The following MPP7 variants were observed in gnomAD, a reference collection of about 807,000 sequenced individuals.
The protein encoded by MPP7 is MAGUK p55 scaffold protein 7, also known as MAGUK p55 subfamily member 7.
In MPP7, 60 loss-of-function variants were observed where a neutral mutation model predicts 76.5. The ratio of observed to expected loss-of-function variants is 0.78; its 90% confidence interval spans 0.64 to 0.97. MPP7 has a LOEUF of 0.97. Among genes scored for constraint, MPP7 ranks in the 50% least tolerant of loss-of-function variants. The pLI, the probability that MPP7 is intolerant of heterozygous loss-of-function variation, is 0.00. For missense variants in MPP7, 641 were observed against 694.0 expected (o/e 0.92, Z 0.86); for synonymous variants, 237 against 244.5 (o/e 0.97, Z 0.29).
intron 2 of MPP7, among the ~76,000 whole-genome samples, chr10:28,317,483 A>G (rs1225491573): frequency 1.3e-5 from 2 of 152,218 alleles, no homozygotes; most frequent in African/African-American, 4.8e-5. Context: ...GTGAGCTGTG[A>G]CCATACCATT....
chr10:28,136,285 C>T (rs1231186156), intron 5 of MPP7, among the ~76,000 whole-genome samples: 3 of 151,956 alleles, frequency 2.0e-5, no homozygotes, highest in Admixed American at 1.3e-4. Flanking sequence ...ACTCCCCAAA[C>T]CCCCATCTGT....
intron 5 of MPP7, among the ~76,000 whole-genome samples, chr10:28,134,037 C>CAT (rs762680536): frequency 3.9e-5 from 6 of 151,950 alleles, no homozygotes; most frequent in South Asian, 2.1e-4. Context: ...TCTTTTGATG[C>CAT]ATATATATAT....
chr10:28,254,217 A>G (rs1032226088), intron 1 of MPP7, among the ~76,000 whole-genome samples: 1 of 152,166 alleles, frequency 6.6e-6, no homozygotes, highest in African/African-American at 2.4e-5. Flanking sequence ...TCATAGCTGT[A>G]CAAGTTCTGA....
At chr10:28,083,725 A>C (rs142383095) in intron 12 of MPP7, among the ~76,000 whole-genome samples, 1,832 of 151,826 alleles carry the variant, frequency 0.012, 55 homozygotes, top group East Asian at 0.11. Flanking sequence ...TTTAGTAGAG[A>C]CAGGGTTTCA....
At chr10:28,105,608 A>T (rs750283889) in intron 11 of MPP7, among the ~76,000 whole-genome samples, 1 of 152,162 alleles carries the variant, frequency 6.6e-6, no homozygotes, top group Non-Finnish European at 1.5e-5. Context: ...CCTAAATTCA[A>T]GCAATCCTCC....
At chr10:28,319,949 C>T (rs1260518231) in intron 2 of MPP7, among the ~76,000 whole-genome samples, 1 of 124,738 alleles carries the variant, frequency 8.0e-6, no homozygotes, top group Non-Finnish European at 1.7e-5. Flanking sequence ...GAGACAGACT[C>T]TCTCTCAAAA....
intron 1 of MPP7, among the ~76,000 whole-genome samples, chr10:28,256,765 A>C (rs1839800039): frequency 6.6e-6 from 1 of 152,248 alleles, no homozygotes; most frequent in South Asian, 2.1e-4. Flanking sequence ...TTCCACTGTA[A>C]GTCTCAAAGC....
At chr10:28,124,407 T>A (rs1333928829) in intron 7 of MPP7, among the ~76,000 whole-genome samples, 1 of 151,526 alleles carries the variant, frequency 6.6e-6, no homozygotes, top group African/African-American at 2.4e-5. Flanking sequence ...TTTTTATTTA[T>A]CTTAAAGGCT....
chr10:28,102,865 A>G (rs1230323871), intron 11 of MPP7, among the ~76,000 whole-genome samples: 1 of 152,144 alleles, frequency 6.6e-6, no homozygotes, highest in Non-Finnish European at 1.5e-5. Flanking sequence ...TCTCCCTTAC[A>G]ATCCATTCCC....
At chr10:28,317,962 C>T (rs1239661515) in intron 2 of MPP7, among the ~76,000 whole-genome samples, 5 of 152,222 alleles carry the variant, frequency 3.3e-5, no homozygotes, top group Non-Finnish European at 5.9e-5. Context: ...GTGATGCTTA[C>T]GCCATGACTG....
In MPP7 at chr10:28,074,158, G is replaced by A. The variant is rs568439810; in HGVS notation, c.1124-4306C>T. Among the ~76,000 whole-genome samples, 3 of 152,234 alleles carry A rather than the reference G, an allele frequency of 2.0e-5. No individual in the cohort carries two copies. The South Asian group carries it at 6.2e-4, about 32-fold the overall frequency. On this transcript the variant is annotated intron_variant, in intron 12 of 16. Transcript: ENST00000683449. Reference sequence around the variant, plus strand: ...TGAATGAACAAATAAAACATTTAGTGTTGTTATCACCACCTCATGCTCAGC... The same window carrying A: ...TGAATGAACAAATAAAACATTTAGTATTGTTATCACCACCTCATGCTCAGC...
rs1312875857 is a variant in MPP7 at position 28,277,232 on chromosome 10, T to C, written c.-132+25629A>G. On this transcript the variant is annotated intron_variant, in intron 1 of 16. Transcript: ENST00000683449. ...TCCTACTACAACCCTATCATCTAAA[T>C]ACCATTACTACTGTCTCAGTTTACT... 1.3e-5 allele frequency among the ~76,000 whole-genome samples: 2 copies of C among 151,814 alleles called. 1 individual carries two copies. Among genetic ancestry groups the C allele is most frequent in the African/African-American group, 4.9e-5 (2 of 41,166 alleles).
intron 3 of MPP7, among the ~76,000 whole-genome samples, chr10:28,160,534 A>G (rs1260872912): frequency 6.6e-6 from 1 of 152,152 alleles, no homozygotes; most frequent in Non-Finnish European, 1.5e-5. Context: ...TATTATCAGG[A>G]AAATAGTTTA....
At chr10:28,191,450 A>G (rs1837409045) in intron 3 of MPP7, among the ~76,000 whole-genome samples, 1 of 152,334 alleles carries the variant, frequency 6.6e-6, no homozygotes, top group South Asian at 2.1e-4. Flanking sequence ...CAGATTGAGC[A>G]TCCCAAATCC....
At chr10:28,294,770 C>A (rs1292631535) in intron 1 of MPP7, among the ~76,000 whole-genome samples, 2 of 152,152 alleles carry the variant, frequency 1.3e-5, no homozygotes, top group East Asian at 3.9e-4. Context: ...TGCATGCTTG[C>A]AATCTGCAAG....
chr10:28,068,075 T>A (rs1588718157), intron 13 of MPP7, among the ~76,000 whole-genome samples: 1 of 152,150 alleles, frequency 6.6e-6, no homozygotes, highest in Non-Finnish European at 1.5e-5. Flanking sequence ...TTCTTTGTAA[T>A]CTGTTTTTGC....
chr10:28,321,942 T>A (rs1564772316), intron 2 of MPP7, among the ~76,000 whole-genome samples: 1 of 129,672 alleles, frequency 7.7e-6, no homozygotes. Flanking sequence ...AACTTGTTTT[T>A]GTAGACGTGT....
intron 3 of MPP7, among the ~76,000 whole-genome samples, chr10:28,152,498 T>G (rs1180714669): frequency 3.3e-5 from 5 of 152,168 alleles, no homozygotes; most frequent in Admixed American, 1.3e-4. Context: ...AGGCAACACA[T>G]ATAGACTTCA....
intron 1 of MPP7, among the ~76,000 whole-genome samples, chr10:28,269,525 C>CT (rs111580419): frequency 0.093 from 12,947 of 139,110 alleles, 696 homozygotes; most frequent in Middle Eastern, 0.13. Context: ...TTGTTTTTAT[C>CT]TTTTTTTTTT....
Sources: gnomAD v4.1 joint callset for allele counts (sites outside exome capture counted in the v4.1 genomes callset) on GRCh38, gnomAD v4.1.1 for gene constraint, MANE v1.5 for transcripts, NCBI Gene and HGNC (gene_info 2026-07-23, HGNC 2026-07-21) for gene names.